PRRX2: variants seen among roughly 807,000 people sequenced by gnomAD.
PRRX2 encodes the protein paired related homeobox 2.
Under a neutral mutation model 18.0 loss-of-function variants are expected in PRRX2, and 11 were observed. The observed-to-expected ratio is 0.61, with a 90% CI of 0.39 to 1.01. PRRX2 has a LOEUF of 1.01. Ranked by LOEUF, PRRX2 falls within the 50% of genes least tolerant of loss-of-function variation. PRRX2 has a pLI of 0.01. For missense variants in PRRX2, 387 were observed against 351.0 expected (o/e 1.10, Z -0.82); for synonymous variants, 177 against 154.8 (o/e 1.14, Z -1.06).
At chr9:129,681,512 T>G (rs558117486) in intron 1 of PRRX2, among the ~76,000 whole-genome samples, 10 of 151,688 alleles carry the variant, frequency 6.6e-5, no homozygotes, top group African/African-American at 9.7e-5. Context: ...AGAGCAAGAC[T>G]CCATTTCAAA....
At chr9:129,687,292 G>A (rs1336483408) in intron 1 of PRRX2, among the ~76,000 whole-genome samples, 1 of 152,204 alleles carries the variant, frequency 6.6e-6, no homozygotes, top group African/African-American at 2.4e-5. Flanking sequence ...GAAGGAAAGG[G>A]GCAAAAGTGG....
chr9:129,678,817 T>G lies in PRRX2; in HGVS notation c.259+12691T>G, dbSNP rs542345378. On this transcript the variant is annotated intron_variant, in intron 1 of 3. Coordinates refer to ENST00000372469, the MANE Select transcript of PRRX2 (RefSeq NM_016307.4). ...TGGGGGCGCTCTCAGTGAGCATCTC[T>G]TACGGTCACATGGGAAGCCAGTGTG... 2.6e-5 allele frequency among the ~76,000 whole-genome samples: 4 copies of G among 152,270 alleles called. No individual in the cohort carries two copies. In the South Asian group the frequency reaches 8.3e-4, roughly 32 times the overall value.
intron 1 of PRRX2, among the ~76,000 whole-genome samples, chr9:129,679,522 T>C (rs749579101): frequency 5.3e-5 from 8 of 152,290 alleles, no homozygotes; most frequent in South Asian, 2.1e-4. Context: ...GTGAGGAAAC[T>C]GAGGCCCAGG....
intron 1 of PRRX2, among the ~76,000 whole-genome samples, chr9:129,700,681 A>G (rs1832482992): frequency 6.6e-6 from 1 of 151,694 alleles, no homozygotes; most frequent in African/African-American, 2.4e-5. Context: ...GCAGTGGCAC[A>G]ATTGTGGCTC....
rs571224038 is a variant in PRRX2 at position 129,693,823 on chromosome 9, T to C, written c.260-25408T>C. Among the ~76,000 whole-genome samples, 29 of 152,332 alleles carry C rather than the reference T, an allele frequency of 1.9e-4. 1 individual carries two copies. The highest frequency in any genetic ancestry group is 7.0e-4 in the African/African-American group (29 of 41,578). ...TGCTTGTTTATTTTAAAAGGCAGAA[T>C]TGAACATCATTCTCTTCAAATGTCT... On this transcript the variant is annotated intron_variant, in intron 1 of 3. Coordinates refer to ENST00000372469, the MANE Select transcript of PRRX2 (RefSeq NM_016307.4).
chr9:129,686,999 G>A (rs1487676802), intron 1 of PRRX2, among the ~76,000 whole-genome samples: 2 of 152,126 alleles, frequency 1.3e-5, no homozygotes, highest in African/African-American at 2.4e-5. Context: ...TTTGATTGGC[G>A]CTGGCTGAGG....
chr9:129,702,133 C>G (rs1283249582), intron 1 of PRRX2, among the ~76,000 whole-genome samples: 1 of 150,278 alleles, frequency 6.7e-6, no homozygotes. Context: ...CGCGGTGGCT[C>G]ACACCTGTAA....
chr9:129,674,116 GGTT>G (rs1197284778), intron 1 of PRRX2, among the ~76,000 whole-genome samples: 1 of 152,086 alleles, frequency 6.6e-6, no homozygotes, highest in African/African-American at 2.4e-5. Flanking sequence ...TGGAAACAGA[GGTT>G]GTTATGAGAC....
chr9:129,719,148 A>G, intron 1 of PRRX2, 83 bp from the exon 2 acceptor site: 23 of 1,335,828 alleles, frequency 1.7e-5, no homozygotes, highest in Non-Finnish European at 2.3e-5. Flanking sequence ...AAGCACTCAG[A>G]GCAAACTGCA....
At chr9:129,698,698 A>G (rs904692895) in intron 1 of PRRX2, among the ~76,000 whole-genome samples, 1 of 151,974 alleles carries the variant, frequency 6.6e-6, no homozygotes, top group Non-Finnish European at 1.5e-5. Flanking sequence ...TCACGTCACT[A>G]CCTCACGTCA....
chr9:129,674,448 C>T (rs542942547), intron 1 of PRRX2, among the ~76,000 whole-genome samples: 155 of 152,102 alleles, frequency 1.0e-3, no homozygotes, highest in Admixed American at 2.9e-3. Flanking sequence ...GTGGGGGCAA[C>T]GGGTGATGGA....
chr9:129,678,520 A>G (rs1232015124), intron 1 of PRRX2, among the ~76,000 whole-genome samples: 1 of 152,152 alleles, frequency 6.6e-6, no homozygotes, highest in Non-Finnish European at 1.5e-5. Context: ...TCCTGGGGGA[A>G]ACAGAATTTC....
At chr9:129,712,579 G>A (rs527292251) in intron 1 of PRRX2, among the ~76,000 whole-genome samples, 1 of 152,268 alleles carries the variant, frequency 6.6e-6, no homozygotes, top group South Asian at 2.1e-4. Context: ...GCAGAAAACC[G>A]TGCACCAGTC....
intron 3 of PRRX2, among the ~76,000 whole-genome samples, chr9:129,721,634 C>T (rs557347357): frequency 3.5e-4 from 54 of 152,262 alleles, no homozygotes; most frequent in Admixed American, 3.3e-3. Context: ...GGCTGGAGTG[C>T]AGTGGTGCAA....
rs1395133694 is a variant in PRRX2 at position 129,675,420 on chromosome 9, A to G, written c.259+9294A>G. Reference sequence around the variant, plus strand: ...GCTTTGGTGGCCAGGGTTGGGGTGTAGGAGGCAGTCAAAAGCACCCCTGCT... The same window carrying G: ...GCTTTGGTGGCCAGGGTTGGGGTGTGGGAGGCAGTCAAAAGCACCCCTGCT... On this transcript the variant is annotated intron_variant, in intron 1 of 3. Coordinates refer to ENST00000372469, the MANE Select transcript of PRRX2 (RefSeq NM_016307.4). This position sits in a 1 kb window ranked among gnomAD's most constrained non-coding sequence, Gnocchi z 4.4. 1.3e-5 allele frequency among the ~76,000 whole-genome samples: 2 copies of G among 152,082 alleles called. No homozygotes were observed. The highest frequency in any genetic ancestry group is 4.8e-5 in the African/African-American group (2 of 41,398).
intron 1 of PRRX2, among the ~76,000 whole-genome samples, chr9:129,717,991 G>A (rs978940889): frequency 4.6e-5 from 7 of 152,232 alleles, no homozygotes; most frequent in Admixed American, 1.3e-4. Context: ...TGGACAATAG[G>A]CTGAGCCCTA....
intron 1 of PRRX2, among the ~76,000 whole-genome samples, chr9:129,711,475 G>A (rs907111309): frequency 2.2e-5 from 3 of 138,662 alleles, no homozygotes; most frequent in Admixed American, 8.1e-5. Context: ...ACATGATCTC[G>A]GCTCACTGCA....
intron 3 of PRRX2, among the ~76,000 whole-genome samples, chr9:129,721,610 C>T (rs540008883): frequency 1.3e-5 from 2 of 151,940 alleles, no homozygotes; most frequent in African/African-American, 2.4e-5. Context: ...GACAGAGTCT[C>T]GCTCTGTCAC....
At chr9:129,681,659 CT>C (rs1415628039) in intron 1 of PRRX2, among the ~76,000 whole-genome samples, 7 of 152,204 alleles carry the variant, frequency 4.6e-5, no homozygotes, top group Non-Finnish European at 7.3e-5. Context: ...CCGGTGCCCC[CT>C]CTCTGCTCCT....
Sources: allele counts gnomAD v4.1 joint callset (sites outside exome capture counted in the v4.1 genomes callset), GRCh38; gene constraint gnomAD v4.1.1; non-coding constraint Gnocchi (gnomAD v3.1); transcripts MANE v1.5; gene names NCBI Gene and HGNC (gene_info 2026-07-23, HGNC 2026-07-21).